The following EPB41 variants were observed in gnomAD, a reference collection of about 807,000 sequenced individuals.
EPB41 encodes erythrocyte membrane protein band 4.1, also known as protein 4.1.
EPB41 carries 65 observed loss-of-function variants against 108.0 expected under a neutral mutation model. The ratio of observed to expected loss-of-function variants is 0.60; its 90% CI spans 0.49 to 0.74. The LOEUF (loss-of-function observed/expected upper bound fraction) is 0.74. EPB41 is among the 30% of genes least tolerant of loss of function. The pLI, the probability that EPB41 is intolerant of heterozygous loss-of-function variation, is 0.00. For missense variants in EPB41, 875 were observed against 1,037.0 expected (o/e 0.84, Z 2.15); for synonymous variants, 336 against 358.9 (o/e 0.94, Z 0.72).
chr1:29,071,229 C>G (rs1651223580), intron 16 of EPB41: 1 of 152,174 alleles, frequency 6.6e-6, no homozygotes, highest in African/African-American at 2.4e-5. Flanking sequence ...TGTACAGGGA[C>G]AGACAACTTT....
chr1:28,967,288 G>A (rs1464953351), intron 1 of EPB41, among the ~76,000 whole-genome samples: 1 of 152,212 alleles, frequency 6.6e-6, no homozygotes, highest in East Asian at 1.9e-4. Context: ...AAAGTGCTGG[G>A]ATTACAGGCG....
At chr1:28,958,819 CAAAAAAAAAAAAAA>C (rs35105287) in intron 1 of EPB41, among the ~76,000 whole-genome samples, 1 of 65,764 alleles carries the variant, frequency 1.5e-5, no homozygotes, top group Non-Finnish European at 3.1e-5. Flanking sequence ...ACCCTGTCTC[CAAAAAAAAAAAAAA>C]AAAAAAAGAA....
At chr1:29,070,228 G>A (rs1650684441) in intron 16 of EPB41, 2 of 710,416 alleles carry the variant, frequency 2.8e-6, no homozygotes, top group Admixed American at 8.7e-5. Flanking sequence ...CCAAAATAAA[G>A]TAAAGCTAAA....
intron 1 of EPB41, among the ~76,000 whole-genome samples, chr1:28,979,869 G>A (rs956684796): frequency 1.3e-5 from 2 of 152,130 alleles, no homozygotes; most frequent in African/African-American, 4.8e-5. Flanking sequence ...AGAAGAAAAT[G>A]GATTTTGATT....
chr1:28,987,406 C>T (rs1425400621), intron 1 of EPB41, 25 bp from the exon 2 acceptor site: 2 of 1,606,090 alleles, frequency 1.2e-6, no homozygotes, highest in Middle Eastern at 1.7e-4. Context: ...ATAAGAGCCC[C>T]CCTTTTCTAT....
intron 1 of EPB41, among the ~76,000 whole-genome samples, chr1:28,898,848 C>T (rs911415650): frequency 1.3e-5 from 2 of 152,250 alleles, no homozygotes; most frequent in African/African-American, 4.8e-5. Flanking sequence ...CAGCAGCAGC[C>T]TTGAAACAGG....
intron 4 of EPB41, among the ~76,000 whole-genome samples, chr1:29,001,155 C>T (rs1168113000): frequency 6.6e-6 from 1 of 152,036 alleles, no homozygotes; most frequent in Non-Finnish European, 1.5e-5. Flanking sequence ...CATTGTGAAA[C>T]CACATCTCTA....
At chr1:28,951,275 C>T (rs1219080045) in intron 1 of EPB41, among the ~76,000 whole-genome samples, 1 of 151,594 alleles carries the variant, frequency 6.6e-6, no homozygotes, top group African/African-American at 2.4e-5. Flanking sequence ...GTGGCATGGG[C>T]CTGTAGTCAC....
In EPB41 at chr1:29,112,457, G is replaced by A. The variant is rs1020045261; in HGVS notation, c.2496+9G>A. On this transcript the variant is annotated intron_variant, in intron 19 of 20. Coordinates refer to ENST00000343067, the MANE Select transcript of EPB41 (RefSeq NM_001376013.1). The stretch of plus-strand genomic sequence containing the variant: ...ATATTGACCATGATCAGGTGGGAAT[G>A]TTGAAGAGATCTGGGCCTGGGAGGG... 31 of 1,612,290 alleles carry A rather than the reference G, an allele frequency of 1.9e-5. 1 individual carries two copies. Among genetic ancestry groups the A allele is most frequent in the Non-Finnish European group, 2.6e-5 (31 of 1,178,502 alleles).
intron 4 of EPB41, among the ~76,000 whole-genome samples, chr1:29,005,519 T>G (rs2096384932): frequency 6.6e-6 from 1 of 152,242 alleles, no homozygotes; most frequent in Admixed American, 6.5e-5. Flanking sequence ...TCATCTATTC[T>G]TTGTTCATTC....
At chr1:28,977,248 A>C (rs549155088) in intron 1 of EPB41, among the ~76,000 whole-genome samples, 2 of 152,304 alleles carry the variant, frequency 1.3e-5, no homozygotes, top group South Asian at 4.1e-4. Flanking sequence ...TTATAAAGGA[A>C]ATTTTATTAA....
intron 1 of EPB41, among the ~76,000 whole-genome samples, chr1:28,920,433 A>G (rs984566957): frequency 3.4e-4 from 51 of 152,150 alleles, no homozygotes; most frequent in Admixed American, 3.2e-3. Flanking sequence ...TAGGCCCTCT[A>G]TATGTTTGAA....
At chr1:29,064,232 A>G (rs1646977467) in intron 15 of EPB41, among the ~76,000 whole-genome samples, 1 of 152,204 alleles carries the variant, frequency 6.6e-6, no homozygotes, top group Non-Finnish European at 1.5e-5. Flanking sequence ...TAAGTGATGA[A>G]GTGAAGCTGT....
At chr1:29,072,785 C>A (rs1050475075) in intron 16 of EPB41, 1 of 152,084 alleles carries the variant, frequency 6.6e-6, no homozygotes, top group Non-Finnish European at 1.5e-5. Flanking sequence ...CTTTGTATTA[C>A]CTAAAGGTAA....
chr1:29,026,921 A>C (rs1017746490), intron 7 of EPB41, among the ~76,000 whole-genome samples: 4 of 151,788 alleles, frequency 2.6e-5, no homozygotes, highest in African/African-American at 9.7e-5. Context: ...GTGAAACCCC[A>C]TCTCTACTAA....
chr1:28,975,734 C>T (rs1405174595), intron 1 of EPB41, among the ~76,000 whole-genome samples: 3 of 151,950 alleles, frequency 2.0e-5, no homozygotes, highest in Admixed American at 2.0e-4. Context: ...TTTGGGAGGC[C>T]GAGATGGGTG....
At chr1:29,025,627 G>A (rs1220021236) in intron 7 of EPB41, among the ~76,000 whole-genome samples, 1 of 151,966 alleles carries the variant, frequency 6.6e-6, no homozygotes, top group Non-Finnish European at 1.5e-5. Flanking sequence ...TATATGTGTT[G>A]TGTTAACATG....
At chr1:28,972,057 G>A (rs2095508470) in intron 1 of EPB41, among the ~76,000 whole-genome samples, 1 of 152,030 alleles carries the variant, frequency 6.6e-6, no homozygotes, top group Non-Finnish European at 1.5e-5. Context: ...CCGTAGCTGG[G>A]ACTACAGGTG....
At chr1:29,112,662 C>G (rs1350697166) in intron 19 of EPB41, among the ~76,000 whole-genome samples, 1 of 152,152 alleles carries the variant, frequency 6.6e-6, no homozygotes, top group African/African-American at 2.4e-5. Flanking sequence ...AGAACATGAG[C>G]TTTGGATTCC....
Sources: gnomAD v4.1 joint callset for allele counts (sites outside exome capture counted in the v4.1 genomes callset) on GRCh38, gnomAD v4.1.1 for gene constraint, MANE v1.5 for transcripts, NCBI Gene and HGNC (gene_info 2026-07-23, HGNC 2026-07-21) for gene names.